The following TRPM3 variants were observed in gnomAD, a reference collection of about 807,000 sequenced individuals.
TRPM3 encodes the protein long transient receptor potential channel 3.
Under a neutral mutation model 181.2 loss-of-function variants are expected in TRPM3, and 77 were observed. The observed-to-expected ratio is 0.42, with a 90% CI of 0.35 to 0.51. The LOEUF (loss-of-function observed/expected upper bound fraction) is 0.51. TRPM3 is among the 20% of genes least tolerant of loss of function. TRPM3 has a pLI of 0.01. For synonymous variants in TRPM3, 745 were observed against 796.4 expected, an observed-to-expected ratio of 0.94 and a Z score of 1.09; for missense variants, 1,759 against 2,196.7, an observed-to-expected ratio of 0.80 and a Z score of 3.98.
intron 8 of TRPM3, among the ~76,000 whole-genome samples, chr9:70,755,354 G>C (rs978764532): frequency 3.3e-5 from 5 of 151,876 alleles, no homozygotes; most frequent in African/African-American, 4.8e-5. Flanking sequence ...AAGAGAATGG[G>C]GGCCAATATT....
At chr9:70,548,680 G>A (rs996003926) in intron 25 of TRPM3, among the ~76,000 whole-genome samples, 2 of 152,186 alleles carry the variant, frequency 1.3e-5, no homozygotes, top group Non-Finnish European at 2.9e-5. Flanking sequence ...AATATTCTGG[G>A]TGTTCTTCGG....
intron 1 of TRPM3, among the ~76,000 whole-genome samples, chr9:71,305,701 A>G (rs2087231632): frequency 6.6e-6 from 1 of 152,188 alleles, no homozygotes; most frequent in Admixed American, 6.5e-5. Context: ...AAAGATTCAC[A>G]GTGGATTTGA....
At chr9:71,241,302 C>G (rs1013195041) in intron 1 of TRPM3, among the ~76,000 whole-genome samples, 2 of 152,104 alleles carry the variant, frequency 1.3e-5, no homozygotes, top group Non-Finnish European at 2.9e-5. Context: ...CACTTCGTAG[C>G]TCCTTTCACT....
At chr9:70,599,245 A>G (rs909324329) in intron 20 of TRPM3, among the ~76,000 whole-genome samples, 1 of 152,212 alleles carries the variant, frequency 6.6e-6, no homozygotes, top group Non-Finnish European at 1.5e-5. Context: ...TTCTCTGAGC[A>G]GCACAAATAA....
chr9:70,789,918 A>G (rs1455968035), intron 6 of TRPM3, among the ~76,000 whole-genome samples: 1 of 152,224 alleles, frequency 6.6e-6, no homozygotes, highest in African/African-American at 2.4e-5. Context: ...AAACTGCCAT[A>G]AGAAAAGACT....
intron 1 of TRPM3, among the ~76,000 whole-genome samples, chr9:71,108,967 A>T (rs1476558404): frequency 6.6e-6 from 1 of 152,208 alleles, no homozygotes; most frequent in African/African-American, 2.4e-5. Context: ...CATTGAGTAA[A>T]GCAGATTACT....
At chr9:70,630,060 G>C (rs910136988) in intron 12 of TRPM3, among the ~76,000 whole-genome samples, 7 of 152,180 alleles carry the variant, frequency 4.6e-5, no homozygotes, top group Non-Finnish European at 1.0e-4. Flanking sequence ...CACAGATGAT[G>C]CATTTGCATT....
chr9:70,878,156 C>T (rs189422033), intron 1 of TRPM3, among the ~76,000 whole-genome samples: 124 of 152,068 alleles, frequency 8.2e-4, no homozygotes, highest in African/African-American at 2.5e-3. Flanking sequence ...GTTATGAAAG[C>T]GGGCATGCAT....
At chr9:71,425,985 T>A (rs1289292478) in intron 1 of TRPM3, among the ~76,000 whole-genome samples, 1 of 152,156 alleles carries the variant, frequency 6.6e-6, no homozygotes, top group Non-Finnish European at 1.5e-5. Flanking sequence ...TATAACAGCC[T>A]CAATGTAACC....
At chr9:71,212,381 C>T (rs2079561401) in intron 1 of TRPM3, among the ~76,000 whole-genome samples, 1 of 152,078 alleles carries the variant, frequency 6.6e-6, no homozygotes, top group South Asian at 2.1e-4. Flanking sequence ...AATTTAGACT[C>T]CTGACTAAAA....
chr9:70,961,526 C>A (rs1218675488), intron 1 of TRPM3, among the ~76,000 whole-genome samples: 1 of 152,184 alleles, frequency 6.6e-6, no homozygotes, highest in Admixed American at 6.5e-5. Context: ...CCTGACTCTG[C>A]AGCTTTTATT....
At chr9:71,445,571 T>C (rs570817612) in intron 1 of TRPM3, among the ~76,000 whole-genome samples, 10 of 152,344 alleles carry the variant, frequency 6.6e-5, no homozygotes, top group African/African-American at 2.4e-4. Context: ...AAATTTCAAA[T>C]GTTTATATTA....
intron 1 of TRPM3, among the ~76,000 whole-genome samples, chr9:71,208,354 T>A (rs1450204037): frequency 6.6e-6 from 1 of 152,096 alleles, no homozygotes; most frequent in Non-Finnish European, 1.5e-5. Flanking sequence ...ACAAAAAATA[T>A]CAATAATTTA....
chr9:71,380,910 G>C (rs1806399274), intron 1 of TRPM3, among the ~76,000 whole-genome samples: 1 of 149,188 alleles, frequency 6.7e-6, no homozygotes, highest in Admixed American at 6.6e-5. Context: ...ATATAGTAGG[G>C]AGTAGGGGAT....
chr9:70,581,862 G>A (rs1750203713), intron 22 of TRPM3, among the ~76,000 whole-genome samples: 1 of 151,926 alleles, frequency 6.6e-6, no homozygotes, highest in Non-Finnish European at 1.5e-5. Flanking sequence ...ACAATCAAGG[G>A]CCAGCAGGTG....
At chr9:71,122,674 C>A (rs188179948), upstream of TRPM3, among the ~76,000 whole-genome samples, 26 of 152,262 alleles carry the variant, frequency 1.7e-4, no homozygotes, top group African/African-American at 5.1e-4. Context: ...AGAACCGGGA[C>A]AACACAGGCC....
intron 1 of TRPM3, among the ~76,000 whole-genome samples, chr9:71,219,455 A>G (rs2080100090): frequency 6.6e-6 from 1 of 152,214 alleles, no homozygotes; most frequent in African/African-American, 2.4e-5. Flanking sequence ...CTAGTCATTT[A>G]AAGATATTTA....
At chr9:70,752,956 A>C (rs2076445080) in intron 8 of TRPM3, among the ~76,000 whole-genome samples, 4 of 152,132 alleles carry the variant, frequency 2.6e-5, no homozygotes, top group Admixed American at 2.6e-4. Flanking sequence ...CTAAAAGTAC[A>C]AAAATTAGCT....
chr9:70,943,769 CTTTCTTT>C (rs908491853), intron 1 of TRPM3, among the ~76,000 whole-genome samples: 7 of 152,220 alleles, frequency 4.6e-5, no homozygotes, highest in Admixed American at 2.6e-4. Flanking sequence ...ATTATGATTT[CTTTCTTT>C]TTTCTTTTTT....
Sources: allele counts gnomAD v4.1 joint callset (sites outside exome capture counted in the v4.1 genomes callset), GRCh38; gene constraint gnomAD v4.1.1; transcripts MANE v1.5; gene names NCBI Gene and HGNC (gene_info 2026-07-23, HGNC 2026-07-21).